TPD52L2: variants seen among roughly 807,000 people sequenced by gnomAD.
TPD52L2 encodes tumor protein D54.
A neutral mutation model predicts 24.7 loss-of-function variants in TPD52L2; 19 were observed. The observed-to-expected ratio is 0.77, with a 90% confidence interval of 0.54 to 1.13. TPD52L2 has a LOEUF of 1.13. TPD52L2 is among the 50% of genes most tolerant of loss of function. The pLI is 0.00. For synonymous variants in TPD52L2, 104 were observed against 100.2 expected (o/e 1.04, Z -0.23); for missense variants, 236 against 250.4 (o/e 0.94, Z 0.39).
chr20:63,876,506 A>T lies in TPD52L2; in HGVS notation c.374+631A>T, dbSNP rs551401392. The T allele has an allele frequency of 6.2e-4, 213 of 345,732 alleles. 2 individuals are homozygous for T. The highest frequency in any genetic ancestry group is 3.8e-3 in the African/African-American group (178 of 46,696). The allele number at this position is 345,732 out of a possible 1,614,324, so 21.4% of individuals were successfully genotyped here. On this transcript the variant is annotated intron_variant, in intron 4 of 6. Transcript: ENST00000346249. ...ATATTTGGAGATCCTTAAACTAGAT[A>T]ATAGCACTTCATTTACTTGTGCTCT...
intron 5 of TPD52L2, chr20:63,887,627 C>A (rs182111220): frequency 6.2e-6 from 10 of 1,610,988 alleles, no homozygotes; most frequent in African/African-American, 1.3e-5. Flanking sequence ...CTGCTCGCTG[C>A]GGCTCCAGAG....
chr20:63,878,414 A>G (rs1008190488), intron 4 of TPD52L2, among the ~76,000 whole-genome samples: 1 of 152,234 alleles, frequency 6.6e-6, no homozygotes, highest in Non-Finnish European at 1.5e-5. Flanking sequence ...GGCATCATAT[A>G]GATCCTGCAG....
intron 5 of TPD52L2, chr20:63,887,892 G>A (rs1015361941): frequency 5.7e-6 from 3 of 521,926 alleles, no homozygotes; most frequent in African/African-American, 3.9e-5. Flanking sequence ...CAGTGGGTGG[G>A]GTGGGGTTCG....
rs1424759046 is a variant in TPD52L2 at position 63,869,382 on chromosome 20, C to T, written c.106C>T (p.Pro36Ser). 2 of 1,614,200 alleles carry T rather than the reference C, an allele frequency of 1.2e-6. No individual in the cohort carries two copies. Among genetic ancestry groups the T allele is most frequent in the East Asian group, 2.2e-5 (1 of 44,892 alleles). Residue 36 changes from proline to serine, a missense_variant, in exon 2 of 7, where the codon CCT (proline) becomes TCT (serine). Coordinates refer to ENST00000346249, the MANE Select transcript of TPD52L2 (RefSeq NM_003288.4). ...CGACACAGGTGTGGCTGCCCGGACT[C>T]CTGCTGTTGAGGGTCTGACAGAGGC... ...PVDTGVAARTPAVEGLTEAEE... is the reference protein window; with the variant it reads ...PVDTGVAARTSAVEGLTEAEE...
At chr20:63,876,873 G>C (rs1358571896) in intron 4 of TPD52L2, 4 of 455,298 alleles carry the variant, frequency 8.8e-6, no homozygotes, top group Admixed American at 2.4e-5. Flanking sequence ...TGTACATCTG[G>C]GTGCTCTGGG....
intron 2 of TPD52L2, among the ~76,000 whole-genome samples, chr20:63,872,914 T>C (rs1488217162): frequency 2.6e-5 from 4 of 151,456 alleles, no homozygotes; most frequent in Admixed American, 1.3e-4. Flanking sequence ...CTGTGTTAAC[T>C]GTGTTAGCCA....
intron 2 of TPD52L2, among the ~76,000 whole-genome samples, chr20:63,873,362 G>A (rs377243649): frequency 2.6e-5 from 4 of 151,932 alleles, no homozygotes; most frequent in South Asian, 2.1e-4. Context: ...GGTGGCACAC[G>A]CCTGTAATCC....
chr20:63,881,775 G>A (rs773516078), intron 4 of TPD52L2, among the ~76,000 whole-genome samples: 16 of 152,208 alleles, frequency 1.1e-4, no homozygotes, highest in Non-Finnish European at 1.5e-4. Flanking sequence ...CCGTGATAAG[G>A]TGGCTGTGGG....
At chr20:63,873,559 ATGC>A in intron 2 of TPD52L2, 106 bp from the exon 3 acceptor site, 3 of 1,289,554 alleles carry the variant, frequency 2.3e-6, no homozygotes, top group Non-Finnish European at 3.2e-6. Context: ...GGACGAGTTA[ATGC>A]TTTGGTAAGC....
intron 2 of TPD52L2, 118 bp from the exon 3 acceptor site, chr20:63,873,550 G>A: frequency 2.6e-6 from 3 of 1,169,890 alleles, no homozygotes; most frequent in South Asian, 3.1e-5. Flanking sequence ...TTATTCCTAG[G>A]ACGAGTTAAT....
intron 1 of TPD52L2, among the ~76,000 whole-genome samples, chr20:63,867,580 G>C (rs1255897650): frequency 7.9e-5 from 12 of 151,420 alleles, no homozygotes; most frequent in Admixed American, 7.9e-4. Context: ...AAAAAAAAGA[G>C]AATCAGTGGA....
chr20:63,882,754 G>A lies in TPD52L2; in HGVS notation c.410G>A (p.Gly137Glu). The A allele has an allele frequency of 1.2e-6, 2 of 1,614,152 alleles. No individual in the cohort carries two copies. Among genetic ancestry groups the A allele is most frequent in the Non-Finnish European group, 1.7e-6 (2 of 1,180,014 alleles). ...KKTQETLSQA[G>E]QKTSAALSTV... ...ACTCAGGAAACTCTTTCACAGGCAG[G>A]ACAGAAGACTTCAGCTGCCCTGTCC... The change falls in exon 5 of 7, where the codon GGA becomes GAA. Residue 137 changes from glycine (G) to glutamate (E), a missense_variant. Physicochemically the swap from Gly to Glu is moderately conservative, Grantham distance 98. Transcript: ENST00000346249.
chr20:63,886,185 G>T, intron 5 of TPD52L2: 7 of 822,608 alleles, frequency 8.5e-6, no homozygotes, highest in African/African-American at 1.7e-5. Flanking sequence ...TGCCAGCCAG[G>T]TGGTTGCTGC....
intron 4 of TPD52L2, 72 bp from the exon 5 acceptor site, chr20:63,882,647 T>G: frequency 1.6e-6 from 2 of 1,243,508 alleles, no homozygotes; most frequent in Non-Finnish European, 2.4e-6. Flanking sequence ...GTGCTCCCAG[T>G]GCTTTGTTTG....
At chr20:63,867,015 G>A (rs1165650570) in intron 1 of TPD52L2, among the ~76,000 whole-genome samples, 2 of 150,350 alleles carry the variant, frequency 1.3e-5, no homozygotes, top group South Asian at 2.1e-4. Flanking sequence ...GTACAATGGC[G>A]CGATCATGGC....
chr20:63,876,741 G>A, intron 4 of TPD52L2: 1 of 455,988 alleles, frequency 2.2e-6, no homozygotes, highest in South Asian at 1.5e-5. Context: ...CGTGCACATG[G>A]AGCCTTTGCG....
chr20:63,871,046 T>G (rs1168894759), intron 2 of TPD52L2, among the ~76,000 whole-genome samples: 2 of 151,110 alleles, frequency 1.3e-5, no homozygotes, highest in East Asian at 2.0e-4. Context: ...ATTGCTTTTT[T>G]TTGTTGTTTT....
intron 5 of TPD52L2, among the ~76,000 whole-genome samples, chr20:63,886,448 C>T (rs1177490097): frequency 2.0e-5 from 3 of 151,104 alleles, no homozygotes; most frequent in Non-Finnish European, 4.4e-5. Context: ...GCAAGCTCCG[C>T]CTCCCGGGTT....
intron 2 of TPD52L2, among the ~76,000 whole-genome samples, chr20:63,871,801 T>C (rs540515664): frequency 6.6e-6 from 1 of 152,022 alleles, no homozygotes; most frequent in East Asian, 1.9e-4. Context: ...GCCTGGCTAA[T>C]TTTTGTATTT....
Sources: allele counts gnomAD v4.1 joint callset (sites outside exome capture counted in the v4.1 genomes callset), GRCh38; gene constraint gnomAD v4.1.1; transcripts MANE v1.5; gene names NCBI Gene and HGNC (gene_info 2026-07-23, HGNC 2026-07-21).